Variants in AKAP7 observed in about 807,000 individuals in gnomAD.
The protein encoded by AKAP7 is A-kinase anchoring protein 7.
Under a neutral mutation model 39.5 loss-of-function variants are expected in AKAP7, and 39 were observed. That is an observed-to-expected ratio of 0.99 (90% CI 0.76 to 1.29). The LOEUF (loss-of-function observed/expected upper bound fraction) is 1.29, where lower values mean the gene tolerates loss of function less well. Among genes scored for constraint, AKAP7 ranks in the 50% most tolerant of loss-of-function variants. The pLI, the probability that AKAP7 is intolerant of heterozygous loss-of-function variation, is 0.00. For synonymous variants in AKAP7, 140 were observed against 139.1 expected, an observed-to-expected ratio of 1.01 and a Z score of -0.05; for missense variants, 414 against 407.7, an observed-to-expected ratio of 1.02 and a Z score of -0.13.
chr6:131,166,475 G>C (rs1803511351), intron 4 of AKAP7, among the ~76,000 whole-genome samples: 1 of 152,204 alleles, frequency 6.6e-6, no homozygotes. Flanking sequence ...TCTTTATGTA[G>C]AGAGATTTAT....
intron 7 of AKAP7, among the ~76,000 whole-genome samples, chr6:131,231,006 TAAAA>T (rs2128305647): frequency 6.6e-6 from 1 of 152,218 alleles, no homozygotes; most frequent in East Asian, 1.9e-4. Flanking sequence ...CCAAAAACGT[TAAAA>T]GAAACCTCTG....
intron 6 of AKAP7, among the ~76,000 whole-genome samples, chr6:131,201,770 T>C (rs1807591701): frequency 6.6e-6 from 1 of 152,154 alleles, no homozygotes; most frequent in Admixed American, 6.5e-5. Flanking sequence ...AATTTTTGTA[T>C]AAGGTGTAAG....
At chr6:131,258,697 A>G (rs562076674) in intron 7 of AKAP7, among the ~76,000 whole-genome samples, 9 of 152,342 alleles carry the variant, frequency 5.9e-5, no homozygotes, top group Non-Finnish European at 1.2e-4. Context: ...AAATATAAAG[A>G]ATAAGTATAG....
At chr6:131,202,460 G>A (rs1807670175) in intron 6 of AKAP7, among the ~76,000 whole-genome samples, 2 of 151,126 alleles carry the variant, frequency 1.3e-5, no homozygotes, top group Non-Finnish European at 3.0e-5. Context: ...GTCCTTTGTA[G>A]GGACATGGAT....
intron 7 of AKAP7, among the ~76,000 whole-genome samples, chr6:131,266,963 A>C (rs1813852916): frequency 6.6e-6 from 1 of 152,156 alleles, no homozygotes; most frequent in African/African-American, 2.4e-5. Context: ...TTTCATGTTC[A>C]GACTTCAAAG....
chr6:131,238,025 T>C (rs542631621), intron 7 of AKAP7, among the ~76,000 whole-genome samples: 1 of 152,316 alleles, frequency 6.6e-6, no homozygotes, highest in South Asian at 2.1e-4. Context: ...TCTTTCCTAC[T>C]TTCTCTTGTG....
intron 3 of AKAP7, 104 bp downstream of exon 3, chr6:131,160,302 G>C: frequency 8.2e-7 from 1 of 1,213,914 alleles, no homozygotes; most frequent in South Asian, 1.4e-5. Context: ...AAGAGTATTT[G>C]GTGGCATTTT....
At chr6:131,201,827 C>G (rs1807596982) in intron 6 of AKAP7, among the ~76,000 whole-genome samples, 1 of 152,044 alleles carries the variant, frequency 6.6e-6, no homozygotes, top group African/African-American at 2.4e-5. Flanking sequence ...CCAGTTTTCC[C>G]AGCACCATTT....
chr6:131,135,395 C>T (rs1800438263), upstream of AKAP7, among the ~76,000 whole-genome samples: 1 of 152,170 alleles, frequency 6.6e-6, no homozygotes, highest in Non-Finnish European at 1.5e-5. Context: ...CCTAGTTTCC[C>T]CCGCCCTGCC....
At chr6:131,162,167 G>A (rs1300760194) in intron 3 of AKAP7, among the ~76,000 whole-genome samples, 1 of 152,260 alleles carries the variant, frequency 6.6e-6, no homozygotes. Context: ...GGGATGATGT[G>A]CTGATGGGAT....
At chr6:131,200,602 T>C (rs574534304) in intron 6 of AKAP7, among the ~76,000 whole-genome samples, 11 of 152,304 alleles carry the variant, frequency 7.2e-5, no homozygotes, top group African/African-American at 2.4e-4. Context: ...CACCATCCTA[T>C]AGTTAAGAGT....
At chr6:131,225,853 T>C (rs1810115685) in intron 7 of AKAP7, among the ~76,000 whole-genome samples, 1 of 152,236 alleles carries the variant, frequency 6.6e-6, no homozygotes, top group Non-Finnish European at 1.5e-5. Context: ...TTTTCTAGGA[T>C]TTCTTTTACA....
At chr6:131,142,475 A>T (rs1056201075) in intron 1 of AKAP7, among the ~76,000 whole-genome samples, 1 of 152,304 alleles carries the variant, frequency 6.6e-6, no homozygotes, top group East Asian at 1.9e-4. Context: ...CTTCCATGTG[A>T]TGTTAAGCCT....
At chr6:131,211,226 A>G (rs753719487) in intron 6 of AKAP7, among the ~76,000 whole-genome samples, 2 of 152,170 alleles carry the variant, frequency 1.3e-5, no homozygotes, top group South Asian at 2.1e-4. Context: ...TTTGCATTCT[A>G]TTATCTTAAG....
chr6:131,148,469 AT>A (rs1410140787), intron 2 of AKAP7, among the ~76,000 whole-genome samples: 5 of 83,226 alleles, frequency 6.0e-5, no homozygotes, highest in African/African-American at 3.7e-4. Flanking sequence ...GTGGATAAAA[AT>A]TCCCCCCCCC....
chr6:131,261,926 A>G (rs1237032909), intron 7 of AKAP7, among the ~76,000 whole-genome samples: 1 of 152,172 alleles, frequency 6.6e-6, no homozygotes, highest in Non-Finnish European at 1.5e-5. Flanking sequence ...GAAAGGCAAT[A>G]CTGAGGGAAA....
chr6:131,143,902 C>G (rs529375865), intron 1 of AKAP7, among the ~76,000 whole-genome samples: 35 of 132,252 alleles, frequency 2.6e-4, no homozygotes, highest in Admixed American at 2.0e-3. Flanking sequence ...GGCAGAGGAC[C>G]CTGCGGCCTT....
chr6:131,242,067 T>C (rs1249893908), intron 7 of AKAP7: 48 of 982,380 alleles, frequency 4.9e-5, no homozygotes, highest in Non-Finnish European at 5.7e-5. Context: ...TATCTGACCG[T>C]AATATGTTTT....
At chr6:131,207,853 G>A (rs568876646) in intron 6 of AKAP7, among the ~76,000 whole-genome samples, 1 of 152,256 alleles carries the variant, frequency 6.6e-6, no homozygotes, top group South Asian at 2.1e-4. Flanking sequence ...GAGGGCATTT[G>A]TAGATGCCCT....
Sources: gnomAD v4.1 joint callset for allele counts (sites outside exome capture counted in the v4.1 genomes callset) on GRCh38, gnomAD v4.1.1 for gene constraint, MANE v1.5 for transcripts, NCBI Gene and HGNC (gene_info 2026-07-23, HGNC 2026-07-21) for gene names.